SPARC: variants seen among roughly 807,000 people sequenced by gnomAD.
The protein encoded by SPARC is basement-membrane protein 40.
In SPARC, 23 loss-of-function variants were observed where a neutral mutation model predicts 37.7. That is an observed-to-expected ratio of 0.61 (90% CI 0.44 to 0.87). SPARC has a LOEUF of 0.87. SPARC is among the 40% of genes least tolerant of loss of function. The probability of loss-of-function intolerance (pLI) is 0.00; values close to 1 mark genes in which losing one functional copy is unlikely to be tolerated. For missense variants in SPARC, 312 were observed against 389.0 expected (o/e 0.80, Z 1.66); for synonymous variants, 155 against 150.8 (o/e 1.03, Z -0.20).
chr5:151,667,186 A>G (rs931806503), intron 7 of SPARC, among the ~76,000 whole-genome samples: 2 of 152,166 alleles, frequency 1.3e-5, no homozygotes, highest in Admixed American at 6.5e-5. Flanking sequence ...CTTAAGATCC[A>G]CAGACTCCAA....
intron 2 of SPARC, among the ~76,000 whole-genome samples, chr5:151,675,892 G>A (rs1229670038): frequency 6.6e-6 from 1 of 152,002 alleles, no homozygotes; most frequent in East Asian, 1.9e-4. Context: ...TTGCTGGGAG[G>A]CTCTGACTAC....
At chr5:151,678,618 G>A (rs17718324) in intron 1 of SPARC, among the ~76,000 whole-genome samples, 9,239 of 152,226 alleles carry the variant, frequency 0.061, 319 homozygotes, top group South Asian at 0.13. Flanking sequence ...CTTGTCCAAA[G>A]TCATGCAACA....
chr5:151,683,122 G>A (rs1332232739), intron 1 of SPARC, among the ~76,000 whole-genome samples: 1 of 152,166 alleles, frequency 6.6e-6, no homozygotes, highest in Admixed American at 6.5e-5. Flanking sequence ...GGAGGCATCA[G>A]GGTCTGTGCT....
Position 151,671,482 on chromosome 5 carries a change from T to C in SPARC, c.330+91A>G. 7.6e-6 allele frequency: 11 copies of C among 1,449,968 alleles called. No individual in the cohort carries two copies. In the South Asian group the frequency reaches 1.2e-4, roughly 16 times the overall value. The allele number at this position is 1,449,968 out of a possible 1,614,324, so 89.8% of individuals were successfully genotyped here. ...GACTTCTGAGACTGGCACTGCCCCATAGAACCACCAAGCCAACAGTTTCCT... is the reference window on the plus strand; with the variant it reads ...GACTTCTGAGACTGGCACTGCCCCACAGAACCACCAAGCCAACAGTTTCCT... On this transcript the variant is annotated intron_variant, in intron 5 of 9. Coordinates refer to ENST00000231061, the MANE Select transcript of SPARC (RefSeq NM_003118.4).
intron 2 of SPARC, among the ~76,000 whole-genome samples, chr5:151,675,262 C>T (rs1334419537): frequency 6.6e-6 from 1 of 152,228 alleles, no homozygotes; most frequent in African/African-American, 2.4e-5. Flanking sequence ...TCTGCCATCA[C>T]TCCCACTTCT....
In SPARC at chr5:151,676,217, A is replaced by G; in HGVS notation, c.-13-16T>C. The stretch of plus-strand genomic sequence containing the variant: ...GCTGGGAACCCTATGGGGAGGAGAG[A>G]TTGAGAGTTCAGTGAGGGTGAGACT... On this transcript the variant is annotated splice_polypyrimidine_tract_variant and intron_variant, in intron 1 of 9. Coordinates refer to ENST00000231061, the MANE Select transcript of SPARC (RefSeq NM_003118.4). 6.3e-7 allele frequency: 1 copy of G among 1,591,372 alleles called. No individual in the cohort carries two copies. Among genetic ancestry groups the G allele is most frequent in the East Asian group, 2.2e-5 (1 of 44,622 alleles).
At position 151,669,737 on chromosome 5, in the gene SPARC, AAAG is replaced by A; in HGVS notation, c.375_377del (p.Phe126del). 6.2e-7 allele frequency: 1 copy of A among 1,614,216 alleles called. No individual in the cohort carries two copies. The highest frequency in any genetic ancestry group is 8.5e-7 in the Non-Finnish European group (1 of 1,180,042). On this transcript the variant is annotated inframe_deletion, in exon 6 of 10. Transcript: ENST00000231061. Reference sequence around the variant, plus strand: ...TGCCCTCCAGGGTGCACTTTGTGGCAAAGAAGTGGCAGGAAGAGTCGAAGGTCT... The same window carrying A: ...TGCCCTCCAGGGTGCACTTTGTGGCAAAGTGGCAGGAAGAGTCGAAGGTCT...
intron 1 of SPARC, among the ~76,000 whole-genome samples, chr5:151,680,260 T>C (rs1760956722): frequency 8.3e-6 from 1 of 119,804 alleles, no homozygotes; most frequent in South Asian, 3.0e-4. Flanking sequence ...ACGGTCTCCC[T>C]CTGTCACCCA....
intron 9 of SPARC, 35 bp from the exon 10 acceptor site, chr5:151,663,634 G>A (rs1326648052): frequency 6.2e-7 from 1 of 1,612,214 alleles, no homozygotes; most frequent in Non-Finnish European, 8.5e-7. Flanking sequence ...TTAAAAATAA[G>A]GCTGTGTCGA....
rs926049931 is a variant in SPARC, at chr5:151,663,163, G to C, written c.*408C>G. ...TCCAGGCCACCTGGGGAAGCCCACA[G>C]GCAGCCAAGACCCTGAAATGAAATG... On this transcript the variant is annotated 3_prime_UTR_variant, in exon 10 of 10. Transcript: ENST00000231061. 2 of 169,744 alleles carry C rather than the reference G, an allele frequency of 1.2e-5. No individual in the cohort carries two copies. The highest frequency in any genetic ancestry group is 4.8e-5 in the African/African-American group (2 of 41,758). 10.5% of individuals were successfully genotyped at this position (169,744 alleles called of 1,614,324 possible).
At chr5:151,677,531 C>T (rs1227125522) in intron 1 of SPARC, among the ~76,000 whole-genome samples, 1 of 152,200 alleles carries the variant, frequency 6.6e-6, no homozygotes, top group Non-Finnish European at 1.5e-5. Flanking sequence ...GGGTCTTGTT[C>T]TACCACAGTA....
At chr5:151,671,834 C>G (rs1760755189) in intron 4 of SPARC, 140 bp from the exon 5 acceptor site, 2 of 1,039,732 alleles carry the variant, frequency 1.9e-6, no homozygotes, top group East Asian at 2.8e-5. Context: ...GTCCTGCCTG[C>G]TCTTGCACTG....
At chr5:151,682,378 G>T (rs1397137265) in intron 1 of SPARC, among the ~76,000 whole-genome samples, 1 of 152,156 alleles carries the variant, frequency 6.6e-6, no homozygotes, top group Non-Finnish European at 1.5e-5. Flanking sequence ...CTGCATTGTG[G>T]TGACCACAAA....
At chr5:151,667,289 C>G (rs1022685606) in intron 7 of SPARC, among the ~76,000 whole-genome samples, 178 bp downstream of exon 7, 3 of 152,188 alleles carry the variant, frequency 2.0e-5, no homozygotes, top group Non-Finnish European at 4.4e-5. Flanking sequence ...CTCAGAGCCT[C>G]TAAGATGTTA....
At position 151,669,833 on chromosome 5, in the gene SPARC, G is replaced by A. The variant is rs191323479; in HGVS notation, c.331-49C>T. ...CCCTCCTTCATTCCCAAAGCCCTTC[G>A]CTGATACCAATATCCTTGTCCATTT... is the stretch of plus-strand genomic sequence containing the variant. On this transcript the variant is annotated intron_variant, in intron 5 of 9. Coordinates refer to ENST00000231061, the MANE Select transcript of SPARC (RefSeq NM_003118.4). 6.7e-5 allele frequency: 108 copies of A among 1,608,928 alleles called. 2 individuals are homozygous for A. The highest frequency in any genetic ancestry group is 3.8e-4 in the Admixed American group (23 of 59,820).
chr5:151,670,483 T>G (rs6861887), intron 5 of SPARC, among the ~76,000 whole-genome samples: 144,160 of 152,322 alleles, frequency 0.95, 68,299 homozygotes, highest in East Asian at 1. Flanking sequence ...ATGACCCCTC[T>G]TGGGAGTCAG....
chr5:151,674,811 G>A (rs1760822661), intron 2 of SPARC, 137 bp from the exon 3 acceptor site: 16 of 743,202 alleles, frequency 2.2e-5, no homozygotes, highest in South Asian at 1.5e-4. Context: ...TGTGCCTCAT[G>A]GACTGCCATG....
intron 6 of SPARC, among the ~76,000 whole-genome samples, chr5:151,668,157 C>CTT (rs1215347332): frequency 4.4e-5 from 4 of 90,486 alleles, no homozygotes; most frequent in South Asian, 7.0e-4. Flanking sequence ...TTTTTTTCTT[C>CTT]TTTTTTTTTT....
chr5:151,672,774 C>A, intron 4 of SPARC: 1 of 290,230 alleles, frequency 3.4e-6, no homozygotes. Flanking sequence ...CGGGCTGATA[C>A]AGAAGCAATG....
Sources: allele counts gnomAD v4.1 joint callset (sites outside exome capture counted in the v4.1 genomes callset), GRCh38; gene constraint gnomAD v4.1.1; transcripts MANE v1.5; gene names NCBI Gene and HGNC (gene_info 2026-07-23, HGNC 2026-07-21).